The following DYM variants were observed in gnomAD, a reference collection of about 807,000 sequenced individuals.
DYM encodes the protein dyggve-Melchior-Clausen syndrome protein.
DYM carries 78 observed loss-of-function variants against 93.1 expected under a neutral mutation model. That is an observed-to-expected ratio of 0.84 (90% confidence interval 0.70 to 1.01). The LOEUF (loss-of-function observed/expected upper bound fraction) is 1.01, where lower values mean the gene tolerates loss of function less well. DYM is among the 50% of genes least tolerant of loss of function. The probability of loss-of-function intolerance (pLI) is 0.00; values close to 1 mark genes in which losing one functional copy is unlikely to be tolerated. For missense variants in DYM, 789 were observed against 845.0 expected, an observed-to-expected ratio of 0.93 and a Z score of 0.82; for synonymous variants, 321 against 319.7, an observed-to-expected ratio of 1.00 and a Z score of -0.04.
chr18:49,279,642 A>T (rs2094923398), intron 10 of DYM, among the ~76,000 whole-genome samples: 2 of 152,202 alleles, frequency 1.3e-5, no homozygotes. Context: ...CTTACCATAC[A>T]ACTTTCTGAA....
chr18:49,146,286 A>C lies in DYM; in HGVS notation c.1728+17399T>G, dbSNP rs906237580. ...AGCATTCCCTTTGAAAACTGCCACA[A>C]GACAGGGATGCCTTCTCTCACCACT... is the stretch of plus-strand genomic sequence containing the variant. On this transcript the variant is annotated intron_variant, in intron 15 of 17. Coordinates refer to ENST00000675505, the MANE Select transcript of DYM (RefSeq NM_001353214.3). Among the ~76,000 whole-genome samples, 18 of 152,354 alleles carry C rather than the reference A, an allele frequency of 1.2e-4. 1 individual carries two copies. The South Asian group carries it at 2.3e-3, about 19-fold the overall frequency.
chr18:49,196,517 G>A (rs755782283), intron 14 of DYM, among the ~76,000 whole-genome samples: 2 of 151,972 alleles, frequency 1.3e-5, no homozygotes, highest in Non-Finnish European at 2.9e-5. Flanking sequence ...GAGAGTGACA[G>A]CAAAAGTGAG....
chr18:49,097,139 C>G (rs989977698), intron 17 of DYM: 14 of 526,834 alleles, frequency 2.7e-5, no homozygotes, highest in African/African-American at 2.3e-4. Context: ...ATTTGTTTCA[C>G]TGGGTTAAAA....
At chr18:49,309,613 C>T (rs564784456) in intron 8 of DYM, among the ~76,000 whole-genome samples, 12 of 152,016 alleles carry the variant, frequency 7.9e-5, no homozygotes, top group Non-Finnish European at 1.3e-4. Flanking sequence ...CCAGCCTGGG[C>T]GACAAAGCAA....
chr18:49,193,954 T>C (rs1214454019), intron 14 of DYM, among the ~76,000 whole-genome samples: 2 of 152,230 alleles, frequency 1.3e-5, no homozygotes, highest in Non-Finnish European at 2.9e-5. Flanking sequence ...AGTTACTTAG[T>C]GCCAGTAGGT....
chr18:49,197,656 A>T (rs1449833592), intron 14 of DYM, among the ~76,000 whole-genome samples: 1 of 152,218 alleles, frequency 6.6e-6, no homozygotes, highest in African/African-American at 2.4e-5. Flanking sequence ...TAAAATACCT[A>T]GGAATCCAAC....
At chr18:49,150,900 TTTCTGTAATTCCAA>T (rs2085742364) in intron 15 of DYM, among the ~76,000 whole-genome samples, 1 of 152,220 alleles carries the variant, frequency 6.6e-6, no homozygotes, top group Non-Finnish European at 1.5e-5. Flanking sequence ...AGTAATTCCA[TTTCTGTAATTCCAA>T]GTATATTTAA....
intron 8 of DYM, among the ~76,000 whole-genome samples, chr18:49,322,842 A>C (rs1241103704): frequency 6.6e-6 from 1 of 152,148 alleles, no homozygotes; most frequent in African/African-American, 2.4e-5. Context: ...TTTTTCCTAC[A>C]CATTTGCTCA....
chr18:49,069,918 G>A (rs553361144), intron 17 of DYM, among the ~76,000 whole-genome samples: 15 of 152,322 alleles, frequency 9.8e-5, no homozygotes, highest in African/African-American at 2.2e-4. Context: ...GCGCATGCCC[G>A]TAATCCCAGC....
At chr18:49,348,463 G>T (rs2064804070) in intron 6 of DYM, among the ~76,000 whole-genome samples, 1 of 152,134 alleles carries the variant, frequency 6.6e-6, no homozygotes, top group African/African-American at 2.4e-5. Flanking sequence ...AACAGTGCTT[G>T]GCATTTGGGA....
intron 1 of DYM, among the ~76,000 whole-genome samples, chr18:49,455,436 C>G (rs548812043): frequency 6.6e-6 from 1 of 152,264 alleles, no homozygotes; most frequent in South Asian, 2.1e-4. Context: ...GAATGAAAAA[C>G]AACTAATAGT....
chr18:49,317,840 C>G (rs1263359163), intron 8 of DYM, among the ~76,000 whole-genome samples: 1 of 151,782 alleles, frequency 6.6e-6, no homozygotes, highest in Non-Finnish European at 1.5e-5. Context: ...ATCCTTTTAA[C>G]AAATATTTAG....
At chr18:49,374,359 G>C (rs1207348853) in intron 5 of DYM, among the ~76,000 whole-genome samples, 1 of 152,114 alleles carries the variant, frequency 6.6e-6, no homozygotes, top group Non-Finnish European at 1.5e-5. Context: ...AGAAGATCAA[G>C]ACCAGCAAAA....
chr18:49,231,971 A>T (rs1379039148), intron 13 of DYM, among the ~76,000 whole-genome samples: 3 of 152,222 alleles, frequency 2.0e-5, no homozygotes, highest in African/African-American at 4.8e-5. Context: ...GTATTCATAG[A>T]TAAAAAATTT....
chr18:49,373,232 C>G (rs908697176), intron 5 of DYM, among the ~76,000 whole-genome samples: 1 of 152,104 alleles, frequency 6.6e-6, no homozygotes, highest in Non-Finnish European at 1.5e-5. Context: ...AGAAAGAATT[C>G]AGGACTAGTC....
chr18:49,109,934 C>T (rs1411336207), intron 16 of DYM, among the ~76,000 whole-genome samples: 2 of 152,236 alleles, frequency 1.3e-5, no homozygotes, highest in African/African-American at 4.8e-5. Context: ...ATCCTTTGTG[C>T]TACTGCTGAC....
chr18:49,221,032 C>G (rs1214788945), intron 13 of DYM, among the ~76,000 whole-genome samples: 1 of 152,144 alleles, frequency 6.6e-6, no homozygotes, highest in African/African-American at 2.4e-5. Flanking sequence ...TATCCGGAAT[C>G]TACAAAGAAC....
At chr18:49,044,281 G>A in intron 17 of DYM, 77 bp from the exon 18 acceptor site, 2 of 1,560,600 alleles carry the variant, frequency 1.3e-6, no homozygotes, top group South Asian at 1.1e-5. Flanking sequence ...TGCAGGTGGT[G>A]CTGTGGTGTG....
Position 49,038,395 on chromosome 18 carries a change from A to G in DYM, c.*5660T>C, listed in dbSNP as rs1356239931. ...ATATTTTAAGTGCATATAAATTTAG[A>G]TTATCTTTCTAGTAATTGAATTGAC... On this transcript the variant is annotated 3_prime_UTR_variant, in exon 18 of 18. Coordinates refer to ENST00000675505, the MANE Select transcript of DYM (RefSeq NM_001353214.3). 6.6e-6 allele frequency among the ~76,000 whole-genome samples: 1 copy of G among 152,140 alleles called. No individual in the cohort carries two copies. The highest frequency in any genetic ancestry group is 1.9e-4 in the East Asian group (1 of 5,206).
Sources: gnomAD v4.1 joint callset for allele counts (sites outside exome capture counted in the v4.1 genomes callset) on GRCh38, gnomAD v4.1.1 for gene constraint, MANE v1.5 for transcripts, NCBI Gene and HGNC (gene_info 2026-07-23, HGNC 2026-07-21) for gene names.